Variants in GRID2 observed in about 807,000 individuals in gnomAD.
The protein encoded by GRID2 is glutamate receptor ionotropic, delta-2.
GRID2 carries 33 observed loss-of-function variants against 114.8 expected under a neutral mutation model. The ratio of observed to expected loss-of-function variants is 0.29; its 90% CI spans 0.22 to 0.38. The LOEUF (loss-of-function observed/expected upper bound fraction) is 0.38, where lower values mean the gene tolerates loss of function less well. Among genes scored for constraint, GRID2 ranks in the 10% least tolerant of loss-of-function variants. The probability of loss-of-function intolerance (pLI) is 1.00; values close to 1 mark genes in which losing one functional copy is unlikely to be tolerated. For synonymous variants in GRID2, 505 were observed against 449.9 expected (o/e 1.12, Z -1.55); for missense variants, 1,184 against 1,257.7 (o/e 0.94, Z 0.89).
chr4:93,440,628 T>C (rs906878170), intron 10 of GRID2, among the ~76,000 whole-genome samples: 1 of 152,092 alleles, frequency 6.6e-6, no homozygotes, highest in African/African-American at 2.4e-5. Flanking sequence ...TGTTTGTATA[T>C]AAGTACAAGA....
chr4:92,489,449 G>C (rs1347303940), intron 1 of GRID2, among the ~76,000 whole-genome samples: 1 of 152,084 alleles, frequency 6.6e-6, no homozygotes, highest in Non-Finnish European at 1.5e-5. Flanking sequence ...TGGTGCAGAG[G>C]AATATTTCCA....
intron 2 of GRID2, among the ~76,000 whole-genome samples, chr4:92,883,428 A>G (rs563483176): frequency 2.0e-5 from 3 of 152,238 alleles, no homozygotes; most frequent in South Asian, 4.1e-4. Flanking sequence ...TTTAATGTTG[A>G]TATTTTGACC....
chr4:93,277,066 T>C (rs1358421077), intron 8 of GRID2, among the ~76,000 whole-genome samples: 1 of 151,850 alleles, frequency 6.6e-6, no homozygotes, highest in East Asian at 1.9e-4. Context: ...TGCATAAATG[T>C]TTACATGTAG....
intron 1 of GRID2, among the ~76,000 whole-genome samples, chr4:92,509,775 T>C (rs942952510): frequency 1.3e-5 from 2 of 151,880 alleles, no homozygotes; most frequent in Non-Finnish European, 2.9e-5. Context: ...GGAAACAGCA[T>C]GCACAGAAGC....
intron 13 of GRID2, among the ~76,000 whole-genome samples, chr4:93,593,189 G>C: frequency 6.7e-6 from 1 of 148,582 alleles, no homozygotes; most frequent in East Asian, 1.9e-4. Context: ...GCAGCAGCTG[G>C]TACCGGTTGT....
intron 2 of GRID2, among the ~76,000 whole-genome samples, chr4:92,699,678 T>G (rs1245471754): frequency 6.6e-6 from 1 of 152,182 alleles, no homozygotes; most frequent in African/African-American, 2.4e-5. Context: ...TTTTATCTAT[T>G]TTATCTGTAG....
At chr4:93,503,105 A>C (rs1471837347) in intron 12 of GRID2, among the ~76,000 whole-genome samples, 1 of 152,122 alleles carries the variant, frequency 6.6e-6, no homozygotes, top group Non-Finnish European at 1.5e-5. Flanking sequence ...CTACTTGAGA[A>C]TAGAGGATAA....
chr4:92,858,098 AATTG>A (rs1744294298), intron 2 of GRID2, among the ~76,000 whole-genome samples: 1 of 152,206 alleles, frequency 6.6e-6, no homozygotes, highest in South Asian at 2.1e-4. Context: ...TATGTCTGCT[AATTG>A]CCAATGCAAC....
intron 1 of GRID2, among the ~76,000 whole-genome samples, chr4:92,572,378 T>C (rs1237306322): frequency 2.0e-5 from 3 of 151,474 alleles, no homozygotes; most frequent in African/African-American, 7.3e-5. Flanking sequence ...GGCTTTGAAA[T>C]TGAGGCAATA....
chr4:92,822,033 T>C (rs537457047), intron 2 of GRID2: 2 of 202,000 alleles, frequency 9.9e-6, no homozygotes, highest in South Asian at 1.3e-4. Context: ...AGATTGTCTA[T>C]GTAGCCAGCA....
At chr4:92,810,884 C>T (rs755640972) in intron 2 of GRID2, among the ~76,000 whole-genome samples, 28 of 152,056 alleles carry the variant, frequency 1.8e-4, no homozygotes, top group Middle Eastern at 3.2e-3. Flanking sequence ...CTCCGCCTCC[C>T]GGGTTCAAGT....
At chr4:93,728,942 T>G (rs1403940316) in intron 14 of GRID2, among the ~76,000 whole-genome samples, 3 of 152,214 alleles carry the variant, frequency 2.0e-5, no homozygotes, top group Non-Finnish European at 4.4e-5. Flanking sequence ...CTTTTTCCAG[T>G]TTGCCAGTCT....
chr4:93,508,200 AT>A (rs147557747), intron 12 of GRID2, among the ~76,000 whole-genome samples: 16,057 of 140,250 alleles, frequency 0.11, 1,786 homozygotes, highest in African/African-American at 0.31. Flanking sequence ...TTTGTTTTTG[AT>A]TTTTTTTTTT....
At chr4:92,438,687 T>C (rs1579359149) in intron 1 of GRID2, among the ~76,000 whole-genome samples, 1 of 152,280 alleles carries the variant, frequency 6.6e-6, no homozygotes, top group Middle Eastern at 3.4e-3. Context: ...ATGGAATCTA[T>C]TTAACTAGTG....
At chr4:92,899,934 C>A (rs78727210) in intron 2 of GRID2, among the ~76,000 whole-genome samples, 3,254 of 152,106 alleles carry the variant, frequency 0.021, 55 homozygotes, top group East Asian at 0.052. Context: ...TCCTAGCCCT[C>A]GTCAAGGAGG....
chr4:92,781,847 G>C (rs1198787673), intron 2 of GRID2, among the ~76,000 whole-genome samples: 1 of 151,934 alleles, frequency 6.6e-6, no homozygotes, highest in Non-Finnish European at 1.5e-5. Flanking sequence ...ACATTTTACA[G>C]TATGTGTGTT....
chr4:93,342,598 C>T (rs895425822), intron 8 of GRID2, among the ~76,000 whole-genome samples: 1 of 151,914 alleles, frequency 6.6e-6, no homozygotes, highest in African/African-American at 2.4e-5. Flanking sequence ...TGGGACAAAA[C>T]AAGTGTGTGA....
chr4:92,444,842 C>G (rs1461971548), intron 1 of GRID2, among the ~76,000 whole-genome samples: 3 of 152,114 alleles, frequency 2.0e-5, no homozygotes, highest in Non-Finnish European at 4.4e-5. Flanking sequence ...AGGATTGATA[C>G]ATTTTTGGTA....
chr4:92,472,433 T>G (rs1186327741), intron 1 of GRID2, among the ~76,000 whole-genome samples: 3 of 152,154 alleles, frequency 2.0e-5, no homozygotes, highest in African/African-American at 4.8e-5. Context: ...TTTGAAATTT[T>G]GGGTAAATAC....
Sources: gnomAD v4.1 joint callset for allele counts (sites outside exome capture counted in the v4.1 genomes callset) on GRCh38, gnomAD v4.1.1 for gene constraint, MANE v1.5 for transcripts, NCBI Gene and HGNC (gene_info 2026-07-23, HGNC 2026-07-21) for gene names.